The following NEK1 variants were observed in gnomAD, a reference collection of about 807,000 sequenced individuals.
The protein encoded by NEK1 is serine/threonine-protein kinase Nek1.
In NEK1, 137 loss-of-function variants were observed where a neutral mutation model predicts 182.1. The observed-to-expected ratio is 0.75, with a 90% CI of 0.65 to 0.87. The LOEUF (loss-of-function observed/expected upper bound fraction) is 0.87. NEK1 is among the 40% of genes least tolerant of loss of function. The pLI, the probability that NEK1 is intolerant of heterozygous loss-of-function variation, is 0.00. For missense variants in NEK1, 1,391 were observed against 1,494.4 expected (o/e 0.93, Z 1.14); for synonymous variants, 513 against 492.2 (o/e 1.04, Z -0.56).
chr4:169,551,123 T>C (rs1158503297), intron 18 of NEK1, among the ~76,000 whole-genome samples: 1 of 152,216 alleles, frequency 6.6e-6, no homozygotes, highest in East Asian at 1.9e-4. Context: ...CCCTATTGTT[T>C]AAACAGTGCA....
intron 31 of NEK1, among the ~76,000 whole-genome samples, chr4:169,412,261 C>T (rs1049068966): frequency 6.6e-6 from 1 of 152,184 alleles, no homozygotes; most frequent in Non-Finnish European, 1.5e-5. Context: ...CAGGCTTAAC[C>T]AGTTTGTACT....
At position 169,458,365 on chromosome 4, in the gene NEK1, G is replaced by T. The variant is rs569982814; in HGVS notation, c.2587+4878C>A. On this transcript the variant is annotated intron_variant, in intron 27 of 35. Transcript: ENST00000507142. Reference sequence around the variant, plus strand: ...CTGTACATCTACTTACGAAAAAAATGTATCTAGACACAGACCTTATAACTC... The same window carrying T: ...CTGTACATCTACTTACGAAAAAAATTTATCTAGACACAGACCTTATAACTC... Among the ~76,000 whole-genome samples the T allele has an allele frequency of 6.6e-5, 10 of 152,256 alleles. No individual in the cohort carries two copies. In the South Asian group the frequency reaches 1.5e-3, roughly 22 times the overall value.
intron 33 of NEK1, 41 bp downstream of exon 33, chr4:169,401,611 T>A: frequency 6.4e-7 from 1 of 1,566,912 alleles, no homozygotes; most frequent in Admixed American, 1.7e-5. Context: ...GAAATATTTG[T>A]AAACTGAAAA....
intron 19 of NEK1, among the ~76,000 whole-genome samples, chr4:169,511,338 G>A (rs942840521): frequency 3.9e-5 from 6 of 152,018 alleles, no homozygotes; most frequent in African/African-American, 7.2e-5. Flanking sequence ...AATAAGCAGC[G>A]CTGGGCAAAG....
chr4:169,475,251 A>G (rs1285173533), intron 26 of NEK1, among the ~76,000 whole-genome samples: 1 of 152,082 alleles, frequency 6.6e-6, no homozygotes, highest in Admixed American at 6.6e-5. Flanking sequence ...CCAAGTTAGG[A>G]AAAAAAGCAC....
intron 26 of NEK1, among the ~76,000 whole-genome samples, chr4:169,469,532 C>T (rs533230594): frequency 2.0e-5 from 3 of 152,266 alleles, no homozygotes; most frequent in South Asian, 2.1e-4. Flanking sequence ...GAGTGTTTTA[C>T]TTCCAATTAT....
At chr4:169,595,564 C>T (rs1769294857) in intron 5 of NEK1, among the ~76,000 whole-genome samples, 1 of 152,084 alleles carries the variant, frequency 6.6e-6, no homozygotes, top group Non-Finnish European at 1.5e-5. Context: ...CAAGGCCATA[C>T]CTGGAGTGCC....
At chr4:169,466,035 A>G (rs1242134525) in intron 26 of NEK1, among the ~76,000 whole-genome samples, 1 of 152,150 alleles carries the variant, frequency 6.6e-6, no homozygotes, top group East Asian at 1.9e-4. Flanking sequence ...CCAACTCTAT[A>G]ATGACAGAGA....
chr4:169,605,201 A>G (rs1771131958), intron 2 of NEK1, among the ~76,000 whole-genome samples: 1 of 152,210 alleles, frequency 6.6e-6, no homozygotes, highest in African/African-American at 2.4e-5. Context: ...TTAAGTTGCC[A>G]ATTCCTTTCT....
rs767483595 is a variant in NEK1, at chr4:169,590,768, A to G, written c.354T>C (p.His118=). ...WFVQICLALK[H]VHDRKILHRD... ...GATGAAGAATTTTTCTATCATGTAC[A>G]TGTTTCAGGGCCAAACATATCTGTA... Residue 118 remains histidine, a synonymous_variant, in exon 6 of 36, where the codon CAT becomes CAC. Transcript: ENST00000507142. 4 of 1,600,012 alleles carry G rather than the reference A, an allele frequency of 2.5e-6. No homozygotes were observed. The highest frequency in any genetic ancestry group is 3.4e-6 in the Non-Finnish European group (4 of 1,172,590).
At chr4:169,564,246 T>G (rs144725987) in intron 12 of NEK1, among the ~76,000 whole-genome samples, 2,386 of 152,222 alleles carry the variant, frequency 0.016, 31 homozygotes, top group Non-Finnish European at 0.023. Flanking sequence ...ACTGTACAAT[T>G]TTTCACCTAC....
chr4:169,417,937 A>T (rs1734815770), intron 31 of NEK1, among the ~76,000 whole-genome samples: 1 of 152,180 alleles, frequency 6.6e-6, no homozygotes, highest in South Asian at 2.1e-4. Context: ...TAGAACTAGA[A>T]AAGAGAGATT....
chr4:169,482,999 G>C (rs147791842), intron 23 of NEK1, among the ~76,000 whole-genome samples: 2 of 152,092 alleles, frequency 1.3e-5, no homozygotes, highest in African/African-American at 2.4e-5. Flanking sequence ...GATAACTGGC[G>C]CAAGAGGCTT....
chr4:169,400,391 G>T, intron 34 of NEK1, 34 bp from the exon 35 acceptor site: 2 of 1,443,656 alleles, frequency 1.4e-6, no homozygotes, highest in South Asian at 1.4e-5. Flanking sequence ...ATTAATATTT[G>T]AATAACTTTC....
intron 31 of NEK1, among the ~76,000 whole-genome samples, chr4:169,408,469 C>G (rs529921820): frequency 2.8e-4 from 43 of 151,982 alleles, no homozygotes; most frequent in African/African-American, 1.0e-3. Context: ...TTAAACAATA[C>G]AAATGATTTT....
intron 27 of NEK1, among the ~76,000 whole-genome samples, chr4:169,443,460 G>T (rs1412171004): frequency 6.9e-6 from 1 of 145,526 alleles, no homozygotes; most frequent in Non-Finnish European, 1.5e-5. Context: ...CAGTTCTTTC[G>T]AAATAATCCA....
At chr4:169,497,484 T>G (rs2149647497) in intron 23 of NEK1, among the ~76,000 whole-genome samples, 1 of 152,318 alleles carries the variant, frequency 6.6e-6, no homozygotes, top group African/African-American at 2.4e-5. Context: ...CTAGTTCTTT[T>G]AATTGTGATG....
At chr4:169,451,834 T>C (rs1297536302) in intron 27 of NEK1, among the ~76,000 whole-genome samples, 1 of 152,076 alleles carries the variant, frequency 6.6e-6, no homozygotes, top group African/African-American at 2.4e-5. Flanking sequence ...AAAAAATCAA[T>C]GAATCCAGGA....
At chr4:169,540,601 A>C (rs868148283) in intron 18 of NEK1, among the ~76,000 whole-genome samples, 1 of 152,142 alleles carries the variant, frequency 6.6e-6, no homozygotes, top group South Asian at 2.1e-4. Flanking sequence ...AATTCACGTG[A>C]GCATGCTCTG....
Sources: allele counts gnomAD v4.1 joint callset (sites outside exome capture counted in the v4.1 genomes callset), GRCh38; gene constraint gnomAD v4.1.1; transcripts MANE v1.5; gene names NCBI Gene and HGNC (gene_info 2026-07-23, HGNC 2026-07-21).